The following CACNA2D3 variants were observed in gnomAD, a reference collection of about 807,000 sequenced individuals.
The protein encoded by CACNA2D3 is calcium voltage-gated channel auxiliary subunit alpha2delta 3.
A neutral mutation model predicts 160.6 loss-of-function variants in CACNA2D3; 60 were observed. That is an observed-to-expected ratio of 0.37 (90% confidence interval 0.30 to 0.46). The LOEUF (loss-of-function observed/expected upper bound fraction) is 0.46. Among genes scored for constraint, CACNA2D3 ranks in the 20% least tolerant of loss-of-function variants. CACNA2D3 has a pLI of 1.00. For synonymous variants in CACNA2D3, 558 were observed against 492.9 expected (o/e 1.13, Z -1.75); for missense variants, 1,205 against 1,365.0 (o/e 0.88, Z 1.85).
chr3:54,530,290 C>T (rs888488908), intron 5 of CACNA2D3, among the ~76,000 whole-genome samples: 3 of 152,280 alleles, frequency 2.0e-5, no homozygotes, highest in South Asian at 4.1e-4. Flanking sequence ...TGGTGGAGCT[C>T]TCCTGGCCCG....
intron 11 of CACNA2D3, among the ~76,000 whole-genome samples, chr3:54,731,055 C>A (rs539691164): frequency 6.6e-6 from 1 of 152,180 alleles, no homozygotes; most frequent in Admixed American, 6.5e-5. Context: ...TTGGTAATTA[C>A]CCTAAAAAAG....
At chr3:54,513,789 T>C (rs1701498187) in intron 5 of CACNA2D3, among the ~76,000 whole-genome samples, 2 of 152,214 alleles carry the variant, frequency 1.3e-5, no homozygotes, top group South Asian at 4.1e-4. Flanking sequence ...CAAGTGATTC[T>C]ACTGCCTCAG....
chr3:54,125,658 T>G (rs895906212), intron 2 of CACNA2D3, among the ~76,000 whole-genome samples: 1 of 152,114 alleles, frequency 6.6e-6, no homozygotes, highest in Non-Finnish European at 1.5e-5. Context: ...GTTAGACAAC[T>G]TGGGGAGCAT....
In CACNA2D3 at chr3:54,732,150, C is replaced by T. The variant is rs139508471; in HGVS notation, c.1168-20449C>T. Among the ~76,000 whole-genome samples, 18 of 152,320 alleles carry T rather than the reference C, an allele frequency of 1.2e-4. No homozygotes were observed. The East Asian group carries it at 3.5e-3, about 29-fold the overall frequency. ...GGGTGAAAAGTGTTTATAGAATCTT[C>T]ATCTGTTTCCTTTGAGCCTGATATA... On this transcript the variant is annotated intron_variant, in intron 11 of 37. Coordinates refer to ENST00000474759, the MANE Select transcript of CACNA2D3 (RefSeq NM_018398.3).
intron 11 of CACNA2D3, among the ~76,000 whole-genome samples, chr3:54,726,413 T>C (rs557754043): frequency 6.6e-6 from 1 of 152,208 alleles, no homozygotes; most frequent in South Asian, 2.1e-4. Context: ...AAAAACTACT[T>C]TAAACTTCAT....
intron 13 of CACNA2D3, among the ~76,000 whole-genome samples, chr3:54,816,037 C>G (rs1053430077): frequency 3.3e-5 from 5 of 152,128 alleles, no homozygotes; most frequent in Non-Finnish European, 5.9e-5. Context: ...AAATATGTCT[C>G]GTAAATGTTG....
intron 29 of CACNA2D3, among the ~76,000 whole-genome samples, chr3:54,976,056 TACACACACAC>T (rs3841944): frequency 2.9e-4 from 42 of 145,062 alleles, no homozygotes; most frequent in Middle Eastern, 3.5e-3. Flanking sequence ...TAGATATAGA[TACACACACAC>T]ACACACACAC....
intron 13 of CACNA2D3, among the ~76,000 whole-genome samples, chr3:54,793,557 C>G (rs1008591336): frequency 6.6e-6 from 1 of 152,084 alleles, no homozygotes; most frequent in African/African-American, 2.4e-5. Context: ...GTAACGGGGT[C>G]AGGTTAGAGC....
chr3:54,616,954 T>G (rs941223108), intron 9 of CACNA2D3, among the ~76,000 whole-genome samples: 3 of 152,152 alleles, frequency 2.0e-5, no homozygotes, highest in Admixed American at 6.5e-5. Context: ...TCTCTTCTCT[T>G]CTGTCTCGGG....
intron 2 of CACNA2D3, among the ~76,000 whole-genome samples, chr3:54,153,473 T>G (rs899291239): frequency 2.6e-5 from 4 of 152,248 alleles, no homozygotes; most frequent in African/African-American, 9.6e-5. Context: ...TTGTTGAGTA[T>G]CTGCCATGTG....
chr3:54,456,124 G>T (rs530776872), intron 4 of CACNA2D3, among the ~76,000 whole-genome samples: 5 of 152,192 alleles, frequency 3.3e-5, no homozygotes, highest in Admixed American at 2.6e-4. Flanking sequence ...CATTGAATCT[G>T]TAGATTGCTT....
At chr3:54,580,969 A>C (rs1702666264) in intron 8 of CACNA2D3, among the ~76,000 whole-genome samples, 1 of 152,194 alleles carries the variant, frequency 6.6e-6, no homozygotes, top group South Asian at 2.1e-4. Flanking sequence ...GGCCAGGATA[A>C]GTTTTAGGGG....
At chr3:54,306,207 G>A (rs1219858968) in intron 2 of CACNA2D3, among the ~76,000 whole-genome samples, 1 of 151,996 alleles carries the variant, frequency 6.6e-6, no homozygotes, top group African/African-American at 2.4e-5. Flanking sequence ...CCCCATTAAA[G>A]GCACATTACA....
At chr3:54,783,767 T>C (rs934916875) in intron 13 of CACNA2D3, among the ~76,000 whole-genome samples, 2 of 152,122 alleles carry the variant, frequency 1.3e-5, no homozygotes, top group African/African-American at 4.8e-5. Context: ...CTCTGTGCTA[T>C]ATTAAATGAC....
At chr3:54,173,823 T>C (rs78822507) in intron 2 of CACNA2D3, among the ~76,000 whole-genome samples, 2,166 of 152,266 alleles carry the variant, frequency 0.014, 50 homozygotes, top group African/African-American at 0.048. Context: ...TAATAGTAAT[T>C]GGCTAATTTA....
intron 11 of CACNA2D3, among the ~76,000 whole-genome samples, chr3:54,645,945 TC>T (rs1213302725): frequency 6.6e-6 from 1 of 151,880 alleles, no homozygotes; most frequent in Admixed American, 6.6e-5. Flanking sequence ...CCTGAGCCCT[TC>T]CCCCTAGTGT....
intron 16 of CACNA2D3, among the ~76,000 whole-genome samples, chr3:54,844,482 T>C (rs1278126861): frequency 6.6e-6 from 1 of 152,198 alleles, no homozygotes; most frequent in African/African-American, 2.4e-5. Context: ...GCAGAGAGTT[T>C]AGCTAAGCTG....
rs373988611 is a variant in CACNA2D3 at position 54,885,545 on chromosome 3, C to A, written c.2015C>A (p.Ala672Glu). ...CACCGCCATCTGTCTCAGTTAGAAG[C>A]GATTAAGCTCTACCTAAAAGGCAAA... is the stretch of plus-strand genomic sequence containing the variant. Reference protein sequence around the residue: ...PEHRHLSQLEAIKLYLKGKEP... With the variant: ...PEHRHLSQLEEIKLYLKGKEP... The change falls in exon 23 of 38, where the codon GCG (alanine) becomes GAG (glutamate). Residue 672 changes from alanine to glutamate, a missense_variant. Ala to Glu is a moderately radical substitution (Grantham distance 107). Coordinates refer to ENST00000474759, the MANE Select transcript of CACNA2D3 (RefSeq NM_018398.3). 3 of 1,613,448 alleles carry A rather than the reference C, an allele frequency of 1.9e-6. No individual in the cohort carries two copies. Among genetic ancestry groups the A allele is most frequent in the Non-Finnish European group, 1.7e-6 (2 of 1,179,722 alleles).
intron 31 of CACNA2D3, 41 bp downstream of exon 31, chr3:54,987,794 T>C (rs1702649596): frequency 6.8e-7 from 1 of 1,474,134 alleles, no homozygotes; most frequent in Non-Finnish European, 9.2e-7. Context: ...CCAAAAGTTT[T>C]CCTAAATAAA....
Sources: allele counts gnomAD v4.1 joint callset (sites outside exome capture counted in the v4.1 genomes callset), GRCh38; gene constraint gnomAD v4.1.1; transcripts MANE v1.5; gene names NCBI Gene and HGNC (gene_info 2026-07-23, HGNC 2026-07-21).